The following NYAP2 variants were observed in gnomAD, a reference collection of about 807,000 sequenced individuals.
NYAP2 encodes the protein neuronal tyrosine-phosphorylated phosphoinositide-3-kinase adaptor 2.
Under a neutral mutation model 50.4 loss-of-function variants are expected in NYAP2, and 23 were observed. The ratio of observed to expected loss-of-function variants is 0.46; its 90% CI spans 0.33 to 0.65. The LOEUF (loss-of-function observed/expected upper bound fraction) is 0.65, where lower values mean the gene tolerates loss of function less well. NYAP2 is among the 30% of genes least tolerant of loss of function. The pLI, the probability that NYAP2 is intolerant of heterozygous loss-of-function variation, is 0.02. For missense variants in NYAP2, 885 were observed against 861.0 expected (o/e 1.03, Z -0.35); for synonymous variants, 394 against 365.2 (o/e 1.08, Z -0.90).
At chr2:225,414,363 A>G (rs1251474849) in intron 3 of NYAP2, among the ~76,000 whole-genome samples, 1 of 152,212 alleles carries the variant, frequency 6.6e-6, no homozygotes, top group African/African-American at 2.4e-5. Flanking sequence ...TTAGTAGCTC[A>G]TCTTTTCTGC....
chr2:225,512,597 C>T (rs1280058769), intron 3 of NYAP2, among the ~76,000 whole-genome samples: 1 of 139,686 alleles, frequency 7.2e-6, no homozygotes, highest in African/African-American at 2.7e-5. Context: ...TTCCCCTTTC[C>T]TTTCCCTTCC....
rs920765402 is a variant in NYAP2, at chr2:225,404,282, C to G, written c.-18+3239C>G. ...ATAGTGTCTTAGCTTCTTGACTTCTCTGGATGGAAGCAGTAGCAGGAAACT... is the reference window on the plus strand; with the variant it reads ...ATAGTGTCTTAGCTTCTTGACTTCTGTGGATGGAAGCAGTAGCAGGAAACT... On this transcript the variant is annotated intron_variant, in intron 2 of 6. Coordinates refer to ENST00000636099, the Ensembl canonical transcript of NYAP2. Among the ~76,000 whole-genome samples, 19 of 151,958 alleles carry G rather than the reference C, an allele frequency of 1.3e-4. 1 individual carries two copies. The highest frequency in any genetic ancestry group is 9.7e-4 in the East Asian group (5 of 5,150).
At chr2:225,423,075 A>G (rs937972623) in intron 3 of NYAP2, among the ~76,000 whole-genome samples, 1 of 152,094 alleles carries the variant, frequency 6.6e-6, no homozygotes, top group Admixed American at 6.6e-5. Context: ...AGTGGAAGGG[A>G]AAGTATTCTA....
intron 3 of NYAP2, among the ~76,000 whole-genome samples, chr2:225,439,681 A>G (rs1279468210): frequency 2.6e-5 from 4 of 152,222 alleles, no homozygotes; most frequent in African/African-American, 9.6e-5. Flanking sequence ...TCTTCAATAA[A>G]TGGGGAAGGG....
intron 5 of NYAP2, among the ~76,000 whole-genome samples, chr2:225,622,502 TTTTCTTTCTTTCTTTCTTC>T (rs1341290156): frequency 3.3e-4 from 8 of 24,018 alleles, no homozygotes; most frequent in African/African-American, 5.7e-4. Flanking sequence ...ATTTTATTTC[TTTTCTTTCTTTCTTTCTTC>T]TTTCTTTCTT....
At chr2:225,571,649 T>C (rs1483592287) in intron 4 of NYAP2, among the ~76,000 whole-genome samples, 1 of 152,186 alleles carries the variant, frequency 6.6e-6, no homozygotes, top group Non-Finnish European at 1.5e-5. Context: ...AGGGGGGCCC[T>C]GGCTCCAGCC....
intron 5 of NYAP2, among the ~76,000 whole-genome samples, chr2:225,613,735 T>C (rs947942387): frequency 6.6e-6 from 1 of 152,172 alleles, no homozygotes; most frequent in South Asian, 2.1e-4. Context: ...CTTTTTTTAA[T>C]AATAGGCAGG....
In NYAP2 at chr2:225,402,712, T is replaced by C. The variant is rs181866632; in HGVS notation, c.-18+1669T>C. Reference sequence around the variant, plus strand: ...TAGTCACTTTAGCAAGCTTTCTTGGTTGTAGCTTCAACATTTCCCATTTTG... The same window carrying C: ...TAGTCACTTTAGCAAGCTTTCTTGGCTGTAGCTTCAACATTTCCCATTTTG... On this transcript the variant is annotated intron_variant, in intron 2 of 6. Transcript: ENST00000636099. Among the ~76,000 whole-genome samples the C allele has an allele frequency of 1.4e-4, 22 of 152,156 alleles. No individual in the cohort carries two copies. In the East Asian group the frequency reaches 4.1e-3, roughly 28 times the overall value.
chr2:225,404,069 G>T (rs1694902613), intron 2 of NYAP2, among the ~76,000 whole-genome samples: 1 of 151,838 alleles, frequency 6.6e-6, no homozygotes, highest in African/African-American at 2.4e-5. Flanking sequence ...TATACCTTGG[G>T]GAACTCAATC....
the NYAP2 span, among the ~76,000 whole-genome samples, chr2:225,680,176 C>T: frequency 1.2e-4 from 18 of 152,268 alleles, no homozygotes; most frequent in African/African-American, 3.1e-4. Context: ...CAAGTCAAAA[C>T]GTCAGCAGAA....
chr2:225,611,431 T>C (rs1265763541), intron 5 of NYAP2, among the ~76,000 whole-genome samples: 2 of 152,048 alleles, frequency 1.3e-5, no homozygotes, highest in East Asian at 3.9e-4. Context: ...AGTTAGTGCC[T>C]TTTATCCCTT....
chr2:225,697,567 AC>A, the NYAP2 span, among the ~76,000 whole-genome samples: 3 of 151,988 alleles, frequency 2.0e-5, no homozygotes, highest in Non-Finnish European at 2.9e-5. Flanking sequence ...GAATAAAAAA[AC>A]ATTCATTCAA....
At chr2:225,404,761 C>G (rs1291733559) in intron 2 of NYAP2, among the ~76,000 whole-genome samples, 1 of 151,914 alleles carries the variant, frequency 6.6e-6, no homozygotes, top group Non-Finnish European at 1.5e-5. Flanking sequence ...ACATCTTTAA[C>G]TTATATTAGA....
chr2:225,405,659 T>A (rs548745843), intron 2 of NYAP2, among the ~76,000 whole-genome samples: 166 of 152,116 alleles, frequency 1.1e-3, no homozygotes, highest in African/African-American at 3.7e-3. Context: ...GCCATGAATC[T>A]ATTTACTCAT....
intron 4 of NYAP2, among the ~76,000 whole-genome samples, chr2:225,551,368 C>T (rs1691671730): frequency 6.6e-6 from 1 of 152,216 alleles, no homozygotes; most frequent in South Asian, 2.1e-4. Context: ...TAAAGATAGA[C>T]TGTTGAATCC....
At chr2:225,521,647 T>A (rs1691061430) in intron 4 of NYAP2, among the ~76,000 whole-genome samples, 1 of 151,570 alleles carries the variant, frequency 6.6e-6, no homozygotes, top group South Asian at 2.1e-4. Flanking sequence ...GTGGATAAGC[T>A]TTTTGATGTG....
rs1222161865 is a variant in NYAP2, at chr2:225,620,405, G to A, written c.1619-6512G>A. On this transcript the variant is annotated intron_variant, in intron 5 of 6. Coordinates refer to ENST00000636099, the Ensembl canonical transcript of NYAP2. ...CCCACACGCACGCACGCACACACGC[G>A]CACGCACACATGCACGCACACGCAC... is the stretch of plus-strand genomic sequence containing the variant. Among the ~76,000 whole-genome samples the A allele has an allele frequency of 4.4e-5, 6 of 136,088 alleles. No homozygotes were observed. The East Asian group carries it at 8.6e-4, about 19-fold the overall frequency. 89.3% of individuals were successfully genotyped at this position (136,088 alleles called of 152,430 possible).
intron 3 of NYAP2, among the ~76,000 whole-genome samples, chr2:225,444,273 T>C (rs1427886300): frequency 1.3e-5 from 2 of 152,070 alleles, no homozygotes; most frequent in Non-Finnish European, 2.9e-5. Flanking sequence ...CACACCAACA[T>C]GGCCAGAATC....
intron 4 of NYAP2, among the ~76,000 whole-genome samples, chr2:225,540,654 A>G (rs1286848872): frequency 6.6e-6 from 1 of 152,182 alleles, no homozygotes; most frequent in Non-Finnish European, 1.5e-5. Flanking sequence ...TCCATTGTGT[A>G]TATGTACCAT....
Sources: gnomAD v4.1 joint callset for allele counts (sites outside exome capture counted in the v4.1 genomes callset) on GRCh38, gnomAD v4.1.1 for gene constraint, MANE v1.5 for transcripts, NCBI Gene and HGNC (gene_info 2026-07-23, HGNC 2026-07-21) for gene names.